The following CDH4 variants were observed in gnomAD, a reference collection of about 807,000 sequenced individuals.
CDH4 encodes cadherin-4.
Under a neutral mutation model 86.0 loss-of-function variants are expected in CDH4, and 33 were observed. The observed-to-expected ratio is 0.38, with a 90% CI of 0.29 to 0.51. The LOEUF is 0.51. Among genes scored for constraint, CDH4 ranks in the 20% least tolerant of loss-of-function variants. The pLI, the probability that CDH4 is intolerant of heterozygous loss-of-function variation, is 0.86. For synonymous variants in CDH4, 555 were observed against 549.4 expected, an observed-to-expected ratio of 1.01 and a Z score of -0.14; for missense variants, 1,114 against 1,307.4, an observed-to-expected ratio of 0.85 and a Z score of 2.28.
intron 8 of CDH4, among the ~76,000 whole-genome samples, chr20:61,896,166 C>T (rs1209800742): frequency 6.6e-6 from 1 of 152,208 alleles, no homozygotes; most frequent in African/African-American, 2.4e-5. Context: ...AGGGTGCGGC[C>T]AGGGTACAGC....
intron 2 of CDH4, among the ~76,000 whole-genome samples, chr20:61,638,863 CAGTG>C (rs549931267): frequency 2.0e-5 from 3 of 152,174 alleles, no homozygotes; most frequent in Admixed American, 6.5e-5. Flanking sequence ...CCCAAGATCT[CAGTG>C]AGACTTCAGA....
chr20:61,355,997 A>G (rs28685126), intron 2 of CDH4, among the ~76,000 whole-genome samples: 38,402 of 152,186 alleles, frequency 0.25, 5,104 homozygotes, highest in East Asian at 0.37. Flanking sequence ...AAAGTTTATC[A>G]TGCACTTGGT....
intron 2 of CDH4, among the ~76,000 whole-genome samples, chr20:61,706,973 T>G (rs1377867639): frequency 6.6e-6 from 1 of 152,234 alleles, no homozygotes; most frequent in African/African-American, 2.4e-5. Flanking sequence ...CTGATTGCCT[T>G]CAGCTGGGCT....
At position 61,477,059 on chromosome 20, in the gene CDH4, C is replaced by T. The variant is rs530360356; in HGVS notation, c.169+222122C>T. Among the ~76,000 whole-genome samples, 144 of 152,300 alleles carry T rather than the reference C, an allele frequency of 9.5e-4. 1 individual carries two copies. Among genetic ancestry groups the T allele is most frequent in the African/African-American group, 3.2e-3 (135 of 41,578 alleles). ...AAGAGCCAGGGGCCGGGGCTGCCTG[C>T]AGGGGCCAGGGAGGACGTGTGGACA... On this transcript the variant is annotated intron_variant, in intron 2 of 15. Coordinates refer to ENST00000614565, the MANE Select transcript of CDH4 (RefSeq NM_001794.5).
At chr20:61,634,379 C>T (rs956624047) in intron 2 of CDH4, among the ~76,000 whole-genome samples, 3 of 152,206 alleles carry the variant, frequency 2.0e-5, no homozygotes, top group Non-Finnish European at 4.4e-5. Context: ...GGGGTAGGTG[C>T]CTAACACCAC....
chr20:61,906,144 G>C (rs1365228892), intron 8 of CDH4, among the ~76,000 whole-genome samples: 1 of 152,234 alleles, frequency 6.6e-6, no homozygotes, highest in Non-Finnish European at 1.5e-5. Flanking sequence ...TTTCAAACCA[G>C]TTATTGAGGC....
intron 2 of CDH4, among the ~76,000 whole-genome samples, chr20:61,497,890 C>T (rs903156100): frequency 2.5e-4 from 38 of 151,876 alleles, no homozygotes; most frequent in Non-Finnish European, 5.1e-4. Context: ...AAAAAGGATG[C>T]GTTCATGTCC....
At chr20:61,281,250 T>C (rs2084257351) in intron 2 of CDH4, among the ~76,000 whole-genome samples, 1 of 152,126 alleles carries the variant, frequency 6.6e-6, no homozygotes, top group South Asian at 2.1e-4. Context: ...AAATCCTCAC[T>C]GCCAAGCTGA....
intron 2 of CDH4, among the ~76,000 whole-genome samples, chr20:61,657,687 T>C (rs915167674): frequency 9.2e-5 from 14 of 152,242 alleles, no homozygotes; most frequent in African/African-American, 3.1e-4. Context: ...ACATCTGTGC[T>C]TTGCTGAAGG....
chr20:61,819,634 G>A (rs989419482), intron 4 of CDH4, among the ~76,000 whole-genome samples: 6 of 152,224 alleles, frequency 3.9e-5, no homozygotes, highest in Non-Finnish European at 8.8e-5. Flanking sequence ...TATCACTTTT[G>A]ATAGCCTTGT....
chr20:61,733,681 G>C (rs988515346), intron 2 of CDH4, among the ~76,000 whole-genome samples: 1 of 151,664 alleles, frequency 6.6e-6, no homozygotes, highest in Non-Finnish European at 1.5e-5. Context: ...GAGAAAGAGA[G>C]AAAGAAAGGA....
At chr20:61,460,531 A>T (rs1025621651) in intron 2 of CDH4, among the ~76,000 whole-genome samples, 8 of 152,180 alleles carry the variant, frequency 5.3e-5, no homozygotes, top group Non-Finnish European at 1.0e-4. Flanking sequence ...TCATTTTACA[A>T]GGGTCCATGT....
rs115622030 is a variant in CDH4 at position 61,651,332 on chromosome 20, A to C, written c.170-92231A>C. On this transcript the variant is annotated intron_variant, in intron 2 of 15. Coordinates refer to ENST00000614565, the MANE Select transcript of CDH4 (RefSeq NM_001794.5). Reference sequence around the variant, plus strand: ...TGCCCCTTCTGTGCCATTTTCCAAAACTCTAGGGATATTGAGTCTTGCTCA... The same window carrying C: ...TGCCCCTTCTGTGCCATTTTCCAAACCTCTAGGGATATTGAGTCTTGCTCA... 4.2e-3 allele frequency among the ~76,000 whole-genome samples: 634 copies of C among 152,270 alleles called. 1 individual carries two copies. The highest frequency in any genetic ancestry group is 0.014 in the African/African-American group (575 of 41,544).
chr20:61,502,810 C>CT (rs2085714065), intron 2 of CDH4, among the ~76,000 whole-genome samples: 1 of 152,210 alleles, frequency 6.6e-6, no homozygotes, highest in South Asian at 2.1e-4. Flanking sequence ...TTACTCTGTA[C>CT]TGGGGCTCCT....
intron 2 of CDH4, among the ~76,000 whole-genome samples, chr20:61,609,707 T>C (rs1215536342): frequency 6.6e-6 from 1 of 152,186 alleles, no homozygotes; most frequent in African/African-American, 2.4e-5. Flanking sequence ...CCTAATCCAG[T>C]GGGTGTGCAT....
chr20:61,489,605 G>T (rs2085614887), intron 2 of CDH4, among the ~76,000 whole-genome samples: 1 of 152,258 alleles, frequency 6.6e-6, no homozygotes. Context: ...AGTCGAGGAT[G>T]AGTTGAACCC....
At chr20:61,602,593 G>A (rs2086610020) in intron 2 of CDH4, among the ~76,000 whole-genome samples, 1 of 151,564 alleles carries the variant, frequency 6.6e-6, no homozygotes, top group African/African-American at 2.4e-5. Flanking sequence ...CTGGAAGGAG[G>A]AGCAGAGGGA....
rs555531374 is a variant in CDH4, at chr20:61,862,063, C to T, written c.877+9165C>T. On this transcript the variant is annotated intron_variant, in intron 6 of 15. Coordinates refer to ENST00000614565, the MANE Select transcript of CDH4 (RefSeq NM_001794.5). Reference sequence around the variant, plus strand: ...CCCTGGCAAAGGCTGTGCCCTCAGCCCAGGGCGCTGTCCCCCACGCTCTGC... The same window carrying T: ...CCCTGGCAAAGGCTGTGCCCTCAGCTCAGGGCGCTGTCCCCCACGCTCTGC... Among the ~76,000 whole-genome samples, 14 of 152,318 alleles carry T rather than the reference C, an allele frequency of 9.2e-5. No homozygotes were observed. The East Asian group carries it at 2.3e-3, about 25-fold the overall frequency.
At chr20:61,735,226 C>T (rs2088247796) in intron 2 of CDH4, among the ~76,000 whole-genome samples, 1 of 152,322 alleles carries the variant, frequency 6.6e-6, no homozygotes, top group Admixed American at 6.5e-5. Context: ...CTCAGGAGGA[C>T]TCCCCCGTCT....
Sources: allele counts gnomAD v4.1 joint callset (sites outside exome capture counted in the v4.1 genomes callset), GRCh38; gene constraint gnomAD v4.1.1; transcripts MANE v1.5; gene names NCBI Gene and HGNC (gene_info 2026-07-23, HGNC 2026-07-21).